Variants in CEP112 observed in about 807,000 individuals in gnomAD.
The protein encoded by CEP112 is centrosomal protein 112.
CEP112 carries 127 observed loss-of-function variants against 153.0 expected under a neutral mutation model. The ratio of observed to expected loss-of-function variants is 0.83; its 90% CI spans 0.72 to 0.96. The LOEUF (loss-of-function observed/expected upper bound fraction) is 0.96, where lower values mean the gene tolerates loss of function less well. Ranked by LOEUF, CEP112 falls within the 40% of genes least tolerant of loss-of-function variation. CEP112 has a pLI of 0.00. For missense variants in CEP112, 1,089 were observed against 1,101.2 expected, an observed-to-expected ratio of 0.99 and a Z score of 0.16; for synonymous variants, 358 against 374.4, an observed-to-expected ratio of 0.96 and a Z score of 0.51.
intron 18 of CEP112, among the ~76,000 whole-genome samples, chr17:65,958,928 C>A (rs1041464955): frequency 2.0e-5 from 3 of 152,138 alleles, no homozygotes; most frequent in Non-Finnish European, 4.4e-5. Context: ...ATAAAAGCCC[C>A]AGGCTCAGCC....
intron 6 of CEP112, among the ~76,000 whole-genome samples, chr17:66,101,201 G>T (rs868582284): frequency 5.3e-5 from 8 of 152,104 alleles, no homozygotes; most frequent in Admixed American, 3.3e-4. Context: ...TATGAAAAAT[G>T]AAAAGTATGT....
intron 23 of CEP112, among the ~76,000 whole-genome samples, chr17:65,725,892 T>C (rs1259963187): frequency 6.6e-6 from 1 of 152,068 alleles, no homozygotes; most frequent in Non-Finnish European, 1.5e-5. Flanking sequence ...GTGGGGATTA[T>C]GGGAGTACAT....
chr17:66,116,441 G>C (rs2069297921), intron 6 of CEP112, among the ~76,000 whole-genome samples: 1 of 151,930 alleles, frequency 6.6e-6, no homozygotes, highest in Admixed American at 6.6e-5. Context: ...TTTTTTAATT[G>C]ATTAAATTAA....
intron 23 of CEP112, among the ~76,000 whole-genome samples, chr17:65,700,077 C>T (rs2048547027): frequency 6.6e-6 from 1 of 151,476 alleles, no homozygotes; most frequent in Non-Finnish European, 1.5e-5. Flanking sequence ...CTCCTTCCCA[C>T]ATGCTTTCTG....
At chr17:65,951,167 T>C (rs540185409) in intron 18 of CEP112, among the ~76,000 whole-genome samples, 45 of 152,324 alleles carry the variant, frequency 3.0e-4, no homozygotes, top group Non-Finnish European at 5.1e-4. Flanking sequence ...TTTGTGACTA[T>C]GTTCATGACA....
chr17:65,976,652 G>C (rs1439702048), intron 17 of CEP112, among the ~76,000 whole-genome samples: 2 of 149,674 alleles, frequency 1.3e-5, no homozygotes, highest in Non-Finnish European at 3.0e-5. Context: ...TTCTTAAAAA[G>C]ATCTTTTTAA....
intron 4 of CEP112, among the ~76,000 whole-genome samples, chr17:66,161,429 A>C (rs1365299743): frequency 6.6e-6 from 1 of 152,212 alleles, no homozygotes; most frequent in Non-Finnish European, 1.5e-5. Context: ...ATTGGAACCA[A>C]CCCAAATGCC....
intron 21 of CEP112, among the ~76,000 whole-genome samples, chr17:65,850,938 T>A (rs2057909733): frequency 6.6e-6 from 1 of 152,180 alleles, no homozygotes; most frequent in Admixed American, 6.5e-5. Context: ...AATCTGACTT[T>A]CAAATTAATT....
At chr17:66,046,897 AAGAATTTTCCTCTACC>A (rs2066234964) in intron 12 of CEP112, among the ~76,000 whole-genome samples, 2 of 152,084 alleles carry the variant, frequency 1.3e-5, no homozygotes, top group Admixed American at 6.5e-5. Context: ...CAGAGACAAG[AAGAATTTTCCTCTACC>A]AGAACCTTCA....
At chr17:65,950,117 G>T (rs1470315833) in intron 18 of CEP112, among the ~76,000 whole-genome samples, 1 of 152,078 alleles carries the variant, frequency 6.6e-6, no homozygotes, top group Non-Finnish European at 1.5e-5. Flanking sequence ...AACTTTACAT[G>T]CCCAGCAGAA....
intron 21 of CEP112, among the ~76,000 whole-genome samples, chr17:65,769,332 T>C (rs1181146211): frequency 1.3e-5 from 2 of 151,982 alleles, no homozygotes; most frequent in Non-Finnish European, 2.9e-5. Flanking sequence ...TTTTTAAATG[T>C]CCATACTACT....
intron 21 of CEP112, among the ~76,000 whole-genome samples, chr17:65,779,646 C>T (rs1018873557): frequency 5.3e-5 from 8 of 152,134 alleles, no homozygotes; most frequent in Non-Finnish European, 7.4e-5. Flanking sequence ...AGTTTCAATT[C>T]GTTTCTAGAA....
intron 16 of CEP112, among the ~76,000 whole-genome samples, chr17:66,024,579 A>AC (rs397733003): frequency 1.3e-4 from 20 of 151,888 alleles, no homozygotes; most frequent in East Asian, 9.7e-4. Flanking sequence ...TATAAAAAAA[A>AC]CCTAAGAATA....
intron 17 of CEP112, among the ~76,000 whole-genome samples, chr17:65,969,395 ACC>A (rs1352095887): frequency 1.3e-5 from 2 of 152,236 alleles, no homozygotes; most frequent in East Asian, 3.8e-4. Context: ...CATAATACAT[ACC>A]ACATGCATAT....
chr17:65,660,173 A>ATT (rs2046269528), intron 24 of CEP112, among the ~76,000 whole-genome samples: 1 of 89,286 alleles, frequency 1.1e-5, no homozygotes, highest in African/African-American at 5.5e-5. Flanking sequence ...ATATACCTTG[A>ATT]TTTCTCCTTC....
intron 8 of CEP112, among the ~76,000 whole-genome samples, chr17:66,091,058 G>A (rs2068113613): frequency 6.6e-6 from 1 of 151,970 alleles, no homozygotes; most frequent in Non-Finnish European, 1.5e-5. Context: ...GATATAAAAG[G>A]AGAGAAGGAG....
rs1365332961 is a variant in CEP112, at chr17:65,902,246, T to C, written c.2069A>G (p.His690Arg). 1.9e-6 allele frequency: 3 copies of C among 1,614,042 alleles called. No homozygotes were observed. Among genetic ancestry groups the C allele is most frequent in the Admixed American group, 1.7e-5 (1 of 59,986 alleles). The change falls in exon 20 of 27, where the codon CAT becomes CGT. Residue 690 changes from histidine to arginine, a missense_variant. His to Arg is a conservative substitution (Grantham distance 29, BLOSUM62 0). Transcript: ENST00000535342. Reference sequence around the variant, plus strand: ...TTCCAGGTTTTCAATTTCCCGTTCATGGTCTCGGACTAGGCTATCCTTCTC... The same window carrying C: ...TTCCAGGTTTTCAATTTCCCGTTCACGGTCTCGGACTAGGCTATCCTTCTC... ...NAEKDSLVRD[H>R]EREIENLEKQ...
At chr17:65,670,935 A>G (rs1357342475) in intron 24 of CEP112, among the ~76,000 whole-genome samples, 3 of 152,242 alleles carry the variant, frequency 2.0e-5, no homozygotes, top group Middle Eastern at 3.4e-3. Flanking sequence ...CTCAGTACAG[A>G]TAACTGGGGA....
At chr17:65,862,279 C>T (rs1413305138) in intron 20 of CEP112, among the ~76,000 whole-genome samples, 1 of 152,134 alleles carries the variant, frequency 6.6e-6, no homozygotes, top group African/African-American at 2.4e-5. Flanking sequence ...CAGGTACAGG[C>T]AGCAATTTTA....
Sources: allele counts gnomAD v4.1 joint callset (sites outside exome capture counted in the v4.1 genomes callset), GRCh38; gene constraint gnomAD v4.1.1; transcripts MANE v1.5; gene names NCBI Gene and HGNC (gene_info 2026-07-23, HGNC 2026-07-21).